BPTF: variants seen among roughly 807,000 people sequenced by gnomAD.
BPTF encodes the protein bromodomain PHD finger transcription factor.
BPTF carries 18 observed loss-of-function variants against 292.5 expected under a neutral mutation model. The ratio of observed to expected loss-of-function variants is 0.06; its 90% CI spans 0.04 to 0.09. The LOEUF (loss-of-function observed/expected upper bound fraction) is 0.09. Among genes scored for constraint, BPTF ranks in the 10% least tolerant of loss-of-function variants. The pLI is 1.00. For missense variants in BPTF, 2,726 were observed against 3,498.7 expected (o/e 0.78, Z 5.57); for synonymous variants, 1,225 against 1,251.9 (o/e 0.98, Z 0.45).
chr17:67,926,760 TA>T (rs2063939278), intron 15 of BPTF, among the ~76,000 whole-genome samples: 2 of 152,116 alleles, frequency 1.3e-5, no homozygotes, highest in African/African-American at 2.4e-5. Flanking sequence ...TTTTTAGAGA[TA>T]GGGGCTTGCT....
chr17:67,841,314 C>T (rs1245399085), intron 1 of BPTF, among the ~76,000 whole-genome samples: 5 of 152,068 alleles, frequency 3.3e-5, no homozygotes, highest in Admixed American at 6.6e-5. Context: ...GAGGCTGAGG[C>T]AGGAGAATGG....
chr17:67,875,764 A>C, intron 4 of BPTF: 1 of 1,521,178 alleles, frequency 6.6e-7, no homozygotes, highest in Non-Finnish European at 8.8e-7. Flanking sequence ...GCAGCGTATC[A>C]ATGCCTCTGT....
chr17:67,884,417 C>T (rs2060620541), intron 4 of BPTF, among the ~76,000 whole-genome samples: 1 of 130,076 alleles, frequency 7.7e-6, no homozygotes, highest in African/African-American at 3.5e-5. Flanking sequence ...CCCCTGGCCC[C>T]TCCCTTTTTT....
intron 23 of BPTF, among the ~76,000 whole-genome samples, chr17:67,949,319 C>G (rs1415342831): frequency 1.3e-5 from 2 of 151,954 alleles, no homozygotes; most frequent in Non-Finnish European, 2.9e-5. Context: ...GAGCCTTGAT[C>G]GCACCACTGC....
chr17:67,936,890 A>T (rs980258484), intron 18 of BPTF, among the ~76,000 whole-genome samples: 25 of 152,156 alleles, frequency 1.6e-4, no homozygotes, highest in African/African-American at 5.8e-4. Context: ...GTAATTTCCC[A>T]AGCTATTAAT....
chr17:67,849,668 TG>T (rs2058262649), intron 1 of BPTF, among the ~76,000 whole-genome samples: 1 of 152,136 alleles, frequency 6.6e-6, no homozygotes, highest in South Asian at 2.1e-4. Flanking sequence ...CTGGGCGTGG[TG>T]GCTCACACCT....
At chr17:67,829,511 A>G (rs753745397) in intron 1 of BPTF, among the ~76,000 whole-genome samples, 11 of 130,608 alleles carry the variant, frequency 8.4e-5, no homozygotes, top group Admixed American at 2.5e-4. Flanking sequence ...CTAAACTTTT[A>G]GAACATGCCC....
rs182900524 is a variant in BPTF at position 67,854,819 on chromosome 17, C to A, written c.1436+57C>A. 1.6e-6 allele frequency: 2 copies of A among 1,260,556 alleles called. No individual in the cohort carries two copies. Among genetic ancestry groups the A allele is most frequent in the Non-Finnish European group, 2.3e-6 (2 of 888,660 alleles). 78.1% of individuals were successfully genotyped at this position (1,260,556 alleles called of 1,614,324 possible). A position where few individuals can be genotyped will look rare whatever the true frequency, so the allele number is the denominator to read the frequency against. On this transcript the variant is annotated intron_variant, in intron 2 of 27. Transcript: ENST00000306378. This position sits in a 1 kb window ranked among gnomAD's most constrained non-coding sequence, Gnocchi z 5.6. ...CATTTAAAATTAGACTAGTTTCCTT[C>A]GTGATTGATGTAGCAGAGCTATGCT...
rs558867964 is a variant in BPTF, at chr17:67,958,187, G to T, written c.7927-1354G>T. ...TACCAAAAATACAAAAATTAGCTGA[G>T]TTTGGTGGCACGTGCCTGTGGTCCT... On this transcript the variant is annotated intron_variant, in intron 23 of 27. Transcript: ENST00000306378. Among the ~76,000 whole-genome samples the T allele has an allele frequency of 4.6e-5, 7 of 151,900 alleles. No individual in the cohort carries two copies. The South Asian group carries it at 1.3e-3, about 27-fold the overall frequency.
At chr17:67,899,756 C>T (rs2061698145) in intron 7 of BPTF, among the ~76,000 whole-genome samples, 1 of 151,872 alleles carries the variant, frequency 6.6e-6, no homozygotes, top group African/African-American at 2.4e-5. Context: ...GTCTCCGACT[C>T]CCAACCTCAT....
At position 67,971,758 on chromosome 17, in the gene BPTF, C is replaced by G. The variant is rs781803358; in HGVS notation, c.8540-4014C>G. Among the ~76,000 whole-genome samples the G allele has an allele frequency of 3.4e-5, 5 of 148,052 alleles. No individual in the cohort carries two copies. In the Admixed American group the frequency reaches 3.4e-4, roughly 10 times the overall value. ...GGCAGAGGTTGCAGTGAGCCAAGAT[C>G]GTTGCGTTGCAGTGATCTGAGATCA... On this transcript the variant is annotated intron_variant, in intron 26 of 27. Transcript: ENST00000306378.
intron 4 of BPTF, among the ~76,000 whole-genome samples, chr17:67,889,278 T>A (rs914797947): frequency 6.6e-6 from 1 of 152,146 alleles, no homozygotes; most frequent in African/African-American, 2.4e-5. Context: ...CCTGTGGTAA[T>A]TTTCTCCTCC....
At chr17:67,893,976 G>A in intron 6 of BPTF, 58 bp from the exon 7 acceptor site, 7 of 1,588,418 alleles carry the variant, frequency 4.4e-6, no homozygotes, top group Non-Finnish European at 5.2e-6. Flanking sequence ...CAACTATTGT[G>A]CTTTTAATTT....
At chr17:67,907,047 T>G (rs936440548) in intron 9 of BPTF, among the ~76,000 whole-genome samples, 7 of 151,934 alleles carry the variant, frequency 4.6e-5, no homozygotes, top group African/African-American at 1.2e-4. Context: ...TAGCCAGACA[T>G]ATTGGTACAC....
At chr17:67,883,417 CTT>C (rs1008958583) in intron 4 of BPTF, among the ~76,000 whole-genome samples, 43 of 152,128 alleles carry the variant, frequency 2.8e-4, no homozygotes, top group Admixed American at 5.9e-4. Context: ...TCTATAATAA[CTT>C]TTAATTTTTT....
At chr17:67,853,787 T>C (rs1313267943) in intron 1 of BPTF, among the ~76,000 whole-genome samples, 153 bp from the exon 2 acceptor site, 1 of 152,174 alleles carries the variant, frequency 6.6e-6, no homozygotes, top group African/African-American at 2.4e-5. Flanking sequence ...ATTTAAAAAT[T>C]AGAGCTGAAT....
rs782370547 is a variant in BPTF, at chr17:67,945,807, G to C, written c.7099G>C (p.Val2367Leu). Residue 2367 changes from valine to leucine, a missense_variant, in exon 21 of 28, where the codon GTT becomes CTT. By Grantham distance (32) the Val-to-Leu change is conservative (BLOSUM62 1). Transcript: ENST00000306378. ...ACTGTCTCCTGGACAACAATCCCAG[G>C]TTCAGACTACAACCTCACAACCGAT... The part of the protein sequence containing the change: ...SQLSPGQQSQ[V>L]QTTTSQPIPI... 70 of 1,613,904 alleles carry C rather than the reference G, an allele frequency of 4.3e-5. No homozygotes were observed. The South Asian group carries it at 6.3e-4, about 14-fold the overall frequency.
intron 27 of BPTF, among the ~76,000 whole-genome samples, chr17:67,981,023 G>A (rs1257758677): frequency 6.6e-6 from 1 of 152,162 alleles, no homozygotes; most frequent in Admixed American, 6.5e-5. Context: ...GCCGGGCATG[G>A]TGGCATGTGC....
chr17:67,852,300 A>T (rs1219741077), intron 1 of BPTF, among the ~76,000 whole-genome samples: 4 of 152,100 alleles, frequency 2.6e-5, no homozygotes, highest in Non-Finnish European at 5.9e-5. Context: ...AAAATTTTAT[A>T]ACGAAAATAC....
Sources: gnomAD v4.1 joint callset for allele counts (sites outside exome capture counted in the v4.1 genomes callset) on GRCh38, gnomAD v4.1.1 for gene constraint, Gnocchi (gnomAD v3.1) non-coding constraint, MANE v1.5 for transcripts, NCBI Gene and HGNC (gene_info 2026-07-23, HGNC 2026-07-21) for gene names.